Variants in SLC9B1 observed in about 807,000 individuals in gnomAD.
The protein encoded by SLC9B1 is solute carrier family 9 member B1.
Under a neutral mutation model 51.7 loss-of-function variants are expected in SLC9B1, and 32 were observed. The observed-to-expected ratio is 0.62, with a 90% CI of 0.47 to 0.83. SLC9B1 has a LOEUF of 0.83. Ranked by LOEUF, SLC9B1 falls within the 40% of genes least tolerant of loss-of-function variation. SLC9B1 has a pLI of 0.00. For synonymous variants in SLC9B1, 145 were observed against 212.7 expected, an observed-to-expected ratio of 0.68 and a Z score of 2.77; for missense variants, 406 against 613.2, an observed-to-expected ratio of 0.66 and a Z score of 3.57.
intron 11 of SLC9B1, chr4:102,891,185 GTCT>G (rs1734230174): frequency 6.6e-6 from 1 of 151,688 alleles, no homozygotes; most frequent in Non-Finnish European, 1.5e-5. Flanking sequence ...AATTGAAAAA[GTCT>G]TCTTTTTAAA....
chr4:102,885,494 T>A lies in SLC9B1; in HGVS notation c.1333-166A>T, dbSNP rs1389020396. The stretch of plus-strand genomic sequence containing the variant: ...TGCTAGGATTGTTTCGCCTCTTAAA[T>A]CCCCAGTTTTGAAGTTCTTTAAGAT... On this transcript the variant is annotated intron_variant, in intron 11 of 11. Coordinates refer to the SLC9B1 transcript ENST00000394789. The A allele has an allele frequency of 2.4e-6, 3 of 1,256,700 alleles. No individual in the cohort carries two copies. The African/African-American group carries it at 4.4e-5, about 19-fold the overall frequency. 77.8% of individuals were successfully genotyped at this position (1,256,700 alleles called of 1,614,324 possible).
chr4:102,931,909 T>C (rs997528125), intron 7 of SLC9B1, among the ~76,000 whole-genome samples: 3 of 152,250 alleles, frequency 2.0e-5, no homozygotes, highest in African/African-American at 7.2e-5. Context: ...AATTGTCACA[T>C]GATTATTAAA....
At chr4:103,009,595 G>A (rs1219213652) in intron 1 of SLC9B1, among the ~76,000 whole-genome samples, 1 of 152,144 alleles carries the variant, frequency 6.6e-6, no homozygotes, top group African/African-American at 2.4e-5. Context: ...GAGTGGCAAA[G>A]CTGGGATTTT....
Position 103,015,236 on chromosome 4 carries a change from A to T in SLC9B1, c.-2+4363T>A, listed in dbSNP as rs145801485. Among the ~76,000 whole-genome samples the T allele has an allele frequency of 1.8e-3, 272 of 151,938 alleles. 4 individuals are homozygous for T. Among genetic ancestry groups the T allele is most frequent in the African/African-American group, 6.4e-3 (265 of 41,420 alleles). ...TACATTAATGTATGAAAGGGACAAG[A>T]CAAAAGTACCAGCCTATGACAGTTT... On this transcript the variant is annotated intron_variant, in intron 1 of 11. Coordinates refer to ENST00000296422, the MANE Select transcript of SLC9B1 (RefSeq NM_139173.4).
Position 102,911,518 on chromosome 4 carries a change from G to A in SLC9B1, c.849C>T (p.Ala283=), listed in dbSNP as rs766943139. Residue 283 remains alanine (A), a synonymous_variant, in exon 8 of 12, where the codon GCC becomes GCT. Coordinates refer to ENST00000296422, the MANE Select transcript of SLC9B1 (RefSeq NM_139173.4). ...VFSSGGILNN[A]IASIRNVCIS... ...TACATACGTTCCTTATAGAGGCTAT[G>A]GCGTTATTAAGTATACCACCTGTAG... is the stretch of plus-strand genomic sequence containing the variant. 4 of 1,595,834 alleles carry A rather than the reference G, an allele frequency of 2.5e-6. No individual in the cohort carries two copies. Among genetic ancestry groups the A allele is most frequent in the African/African-American group, 1.3e-5 (1 of 74,718 alleles).
rs747950074 is a variant in SLC9B1, at chr4:102,949,275, G to A, written c.364C>T (p.Pro122Ser). Residue 122 changes from proline (P) to serine (S), a missense_variant, in exon 4 of 12, where the codon CCA becomes TCA. Transcript: ENST00000296422. ...LQLIRIPLVP[P>S]LPPLLGMLLA... Reference sequence around the variant, plus strand: ...TACTTACCAAGAAGAGGTGGAAGTGGAGGCACTAAAGGTATTCTAATGAGT... The same window carrying A: ...TACTTACCAAGAAGAGGTGGAAGTGAAGGCACTAAAGGTATTCTAATGAGT... The A allele has an allele frequency of 9.4e-6, 15 of 1,593,776 alleles. No homozygotes were observed. Among genetic ancestry groups the A allele is most frequent in the African/African-American group, 1.4e-5 (1 of 73,846 alleles).
chr4:102,923,701 C>A (rs1453028451), intron 7 of SLC9B1, among the ~76,000 whole-genome samples: 1 of 151,976 alleles, frequency 6.6e-6, no homozygotes, highest in Non-Finnish European at 1.5e-5. Context: ...AGCTAAGCAA[C>A]TTCAGCAAAG....
At chr4:102,992,686 C>T (rs1448193151) in intron 1 of SLC9B1, among the ~76,000 whole-genome samples, 3 of 152,052 alleles carry the variant, frequency 2.0e-5, no homozygotes, top group Non-Finnish European at 4.4e-5. Context: ...AAACTTAGAT[C>T]TAAATTCCTT....
intron 7 of SLC9B1, among the ~76,000 whole-genome samples, chr4:102,916,363 G>T (rs1485054772): frequency 1.3e-5 from 2 of 151,972 alleles, no homozygotes; most frequent in Admixed American, 6.6e-5. Context: ...TAATAAAAGG[G>T]CCAATTGACC....
At chr4:102,886,716 A>G (rs963646860) in intron 11 of SLC9B1, among the ~76,000 whole-genome samples, 1 of 151,794 alleles carries the variant, frequency 6.6e-6, no homozygotes, top group African/African-American at 2.4e-5. Flanking sequence ...CCTGGGTTCA[A>G]GGAATTCTCC....
intron 3 of SLC9B1, among the ~76,000 whole-genome samples, chr4:102,965,370 A>T (rs1738368344): frequency 6.6e-6 from 1 of 152,174 alleles, no homozygotes; most frequent in African/African-American, 2.4e-5. Flanking sequence ...ATGTGCCAAG[A>T]GGCCAAACAC....
intron 1 of SLC9B1, among the ~76,000 whole-genome samples, chr4:103,002,413 C>G (rs1304929527): frequency 1.3e-5 from 2 of 152,136 alleles, no homozygotes; most frequent in East Asian, 3.8e-4. Context: ...GACTAAAGCT[C>G]TCATAAGAAT....
At chr4:102,962,719 A>C in intron 3 of SLC9B1, 1 of 470,430 alleles carries the variant, frequency 2.1e-6, no homozygotes, top group Admixed American at 2.4e-5. Flanking sequence ...AGAGGGAGGT[A>C]GGAATCCCTC....
intron 3 of SLC9B1, among the ~76,000 whole-genome samples, chr4:102,989,572 A>T (rs1739837009): frequency 6.6e-6 from 1 of 152,012 alleles, no homozygotes; most frequent in Admixed American, 6.6e-5. Context: ...AACATAAAAA[A>T]GTATGACAAA....
Position 102,925,321 on chromosome 4 carries a change from G to A in SLC9B1, c.829+6803C>T, listed in dbSNP as rs562688496. On this transcript the variant is annotated intron_variant, in intron 7 of 11. Transcript: ENST00000296422. ...TCACAAGGACAGAAAACCAAACACC[G>A]CATGTTCTCACTCATAGGTGGGAAT... is the stretch of plus-strand genomic sequence containing the variant. 6.7e-4 allele frequency among the ~76,000 whole-genome samples: 102 copies of A among 152,064 alleles called. 2 individuals carry two copies. The South Asian group carries it at 0.021, about 31-fold the overall frequency.
At chr4:102,909,411 T>C (rs980909297) in intron 9 of SLC9B1, among the ~76,000 whole-genome samples, 2 of 152,122 alleles carry the variant, frequency 1.3e-5, no homozygotes, top group Non-Finnish European at 2.9e-5. Flanking sequence ...AAGACCTGCC[T>C]GGCCAACATG....
At chr4:103,016,112 C>T (rs1741307325) in intron 1 of SLC9B1, among the ~76,000 whole-genome samples, 1 of 92,420 alleles carries the variant, frequency 1.1e-5, no homozygotes. Context: ...GTAGCCTGGA[C>T]AACAAGAGCC....
intron 7 of SLC9B1, among the ~76,000 whole-genome samples, chr4:102,919,244 G>A (rs963059561): frequency 5.3e-5 from 8 of 152,148 alleles, no homozygotes; most frequent in African/African-American, 1.9e-4. Context: ...CAGAAAATGG[G>A]CTTTTCTTTT....
At chr4:102,926,855 C>T (rs188685463) in intron 7 of SLC9B1, among the ~76,000 whole-genome samples, 1 of 152,286 alleles carries the variant, frequency 6.6e-6, no homozygotes, top group East Asian at 1.9e-4. Flanking sequence ...AACTGTACTA[C>T]AAGGCTGCAC....
Sources: allele counts gnomAD v4.1 joint callset (sites outside exome capture counted in the v4.1 genomes callset), GRCh38; gene constraint gnomAD v4.1.1; transcripts MANE v1.5; gene names NCBI Gene and HGNC (gene_info 2026-07-23, HGNC 2026-07-21).